The following KIF24 variants were observed in gnomAD, a reference collection of about 807,000 sequenced individuals.
The protein encoded by KIF24 is kinesin-like protein KIF24.
In KIF24, 81 loss-of-function variants were observed where a neutral mutation model predicts 118.9. The observed-to-expected ratio is 0.68, with a 90% CI of 0.57 to 0.82. The LOEUF (loss-of-function observed/expected upper bound fraction) is 0.82. Among genes scored for constraint, KIF24 ranks in the 40% least tolerant of loss-of-function variants. The pLI is 0.00. For missense variants in KIF24, 1,560 were observed against 1,661.6 expected, an observed-to-expected ratio of 0.94 and a Z score of 1.06; for synonymous variants, 599 against 610.0, an observed-to-expected ratio of 0.98 and a Z score of 0.27.
Position 34,257,751 on chromosome 9 carries a change from G to A in KIF24, c.1856C>T (p.Pro619Leu), listed in dbSNP as rs1834912728. 1.2e-6 allele frequency: 2 copies of A among 1,614,048 alleles called. No individual in the cohort carries two copies. Among genetic ancestry groups the A allele is most frequent in the African/African-American group, 1.3e-5 (1 of 75,070 alleles). ...HPLTSHPPNIPFTSAPKVSGK... is the reference protein window; with the variant it reads ...HPLTSHPPNILFTSAPKVSGK... The stretch of plus-strand genomic sequence containing the variant: ...AGAGACCTTAGGTGCAGAAGTAAAA[G>A]GAATGTTGGGTGGGTGGCTGGTCAG... Residue 619 changes from proline to leucine, a missense_variant, in exon 11 of 13, where the codon CCT becomes CTT. By Grantham distance (98) the Pro-to-Leu change is moderately conservative (BLOSUM62 -3). Coordinates refer to ENST00000402558, the MANE Select transcript of KIF24 (RefSeq NM_194313.4).
At chr9:34,301,980 T>C (rs560729838) in intron 3 of KIF24, among the ~76,000 whole-genome samples, 1 of 137,052 alleles carries the variant, frequency 7.3e-6, no homozygotes, top group East Asian at 2.0e-4. Context: ...ATTTTTTCTA[T>C]ATATGTATTT....
chr9:34,265,088 G>C (rs1835237137), intron 8 of KIF24, among the ~76,000 whole-genome samples: 1 of 152,188 alleles, frequency 6.6e-6, no homozygotes, highest in Non-Finnish European at 1.5e-5. Flanking sequence ...ACAAGGTTGA[G>C]AGTACAGGGA....
rs1214954469 is a variant in KIF24, at chr9:34,252,619, G to C, written c.*1761C>G. On this transcript the variant is annotated 3_prime_UTR_variant, in exon 13 of 13. Coordinates refer to ENST00000402558, the MANE Select transcript of KIF24 (RefSeq NM_194313.4). ...AGAGATTTCTTGCTTAGATTTGCTG[G>C]GGATAGAATAGGACCTAACCGTTTT... The C allele has an allele frequency of 6.6e-6, 1 of 152,432 alleles. No individual in the cohort carries two copies. Among genetic ancestry groups the C allele is most frequent in the African/African-American group, 2.4e-5 (1 of 41,420 alleles). The allele number at this position is 152,432 out of a possible 1,614,324, so 9.4% of individuals were successfully genotyped here. A position where few individuals can be genotyped will look rare whatever the true frequency, so the allele number is the denominator to read the frequency against.
At chr9:34,273,403 G>A (rs577159355) in intron 6 of KIF24, among the ~76,000 whole-genome samples, 21 of 124,982 alleles carry the variant, frequency 1.7e-4, no homozygotes, top group African/African-American at 6.2e-4. Context: ...AGTAGGAAAG[G>A]GGGGAGTCAG....
chr9:34,275,751 A>C (rs993522105), intron 6 of KIF24, among the ~76,000 whole-genome samples: 1 of 151,598 alleles, frequency 6.6e-6, no homozygotes, highest in African/African-American at 2.4e-5. Flanking sequence ...GAGGCAGGGG[A>C]ATAGCTTGAA....
At chr9:34,290,030 T>C (rs17350450) in intron 5 of KIF24, 144 bp downstream of exon 5, 96,550 of 538,028 alleles carry the variant, frequency 0.18, 10,015 homozygotes, top group South Asian at 0.24. Context: ...CTAGAAAATA[T>C]GTATCTGATG....
At chr9:34,320,581 C>T (rs1380064854) in intron 1 of KIF24, among the ~76,000 whole-genome samples, 1 of 139,494 alleles carries the variant, frequency 7.2e-6, no homozygotes, top group Non-Finnish European at 1.5e-5. Flanking sequence ...TCTCTTGAAC[C>T]CAGGAGGCGG....
rs147156580 is a variant in KIF24 at position 34,256,421 on chromosome 9, G to A, written c.3186C>T (p.Asn1062=). The change falls in exon 11 of 13, where the codon AAC becomes AAT. Residue 1062 remains asparagine, a synonymous_variant. Transcript: ENST00000402558. ...LTMSLLENPD[N]EGSPPSEQLV... is the part of the protein sequence containing the mutation. The stretch of plus-strand genomic sequence containing the variant: ...GCTGCTCCGAGGGAGGAGACCCTTC[G>A]TTGTCTGGGTTCTCCAGGAGGGACA... 2.6e-5 allele frequency: 42 copies of A among 1,613,926 alleles called. No homozygotes were observed. The highest frequency in any genetic ancestry group is 6.6e-5 in the South Asian group (6 of 91,082).
Position 34,310,878 on chromosome 9 carries a change from T to C in KIF24, c.469A>G (p.Thr157Ala), listed in dbSNP as rs759143602. 2 of 1,613,930 alleles carry C rather than the reference T, an allele frequency of 1.2e-6. No homozygotes were observed. The highest frequency in any genetic ancestry group is 1.7e-5 in the Admixed American group (1 of 60,026). Residue 157 changes from threonine to alanine, a missense_variant, in exon 2 of 13, where the codon ACA (threonine) becomes GCA (alanine). Physicochemically the swap from Thr to Ala is moderately conservative, Grantham distance 58. Around this residue, in one of 3 missense-constraint regions of KIF24, gnomAD observed 964 missense variants for 988.0 expected, o/e 0.98. Coordinates refer to ENST00000402558, the MANE Select transcript of KIF24 (RefSeq NM_194313.4). ...YHTKTGILNA[T>A]AGDSYVQTEI... ...GTTTGCACATAGGAATCACCAGCTG[T>C]GGCATTCAGAATTCCTGTTTTTGTA...
intron 1 of KIF24, among the ~76,000 whole-genome samples, chr9:34,315,197 T>C (rs1837293767): frequency 6.6e-6 from 1 of 152,122 alleles, no homozygotes; most frequent in African/African-American, 2.4e-5. Context: ...TGTGACTGTA[T>C]TATTTATTTT....
chr9:34,274,744 T>A (rs1422221387), intron 6 of KIF24, among the ~76,000 whole-genome samples: 4 of 11,490 alleles, frequency 3.5e-4, no homozygotes, highest in Non-Finnish European at 3.4e-4. Flanking sequence ...AAGAGTAAAG[T>A]GAAAGAACTT....
At chr9:34,279,389 G>T (rs1188049529) in intron 6 of KIF24, among the ~76,000 whole-genome samples, 1 of 152,184 alleles carries the variant, frequency 6.6e-6, no homozygotes, top group Non-Finnish European at 1.5e-5. Flanking sequence ...TCCTAGGAAT[G>T]AATACCTCTG....
chr9:34,262,062 T>C (rs1174753204), intron 9 of KIF24, among the ~76,000 whole-genome samples: 1 of 152,122 alleles, frequency 6.6e-6, no homozygotes, highest in Non-Finnish European at 1.5e-5. Flanking sequence ...GCCTCCCAAG[T>C]AGCTGGGACC....
At chr9:34,319,938 T>C (rs140186892) in intron 1 of KIF24, among the ~76,000 whole-genome samples, 1 of 152,314 alleles carries the variant, frequency 6.6e-6, no homozygotes, top group Admixed American at 6.5e-5. Flanking sequence ...AGATCAAGCC[T>C]GCCTCAATCA....
chr9:34,320,010 A>C (rs1274902483), intron 1 of KIF24, among the ~76,000 whole-genome samples: 1 of 152,156 alleles, frequency 6.6e-6, no homozygotes, highest in Non-Finnish European at 1.5e-5. Context: ...TAGGGGGGTC[A>C]GCCAGCCCTC....
At chr9:34,285,560 G>A (rs543347382) in intron 6 of KIF24, among the ~76,000 whole-genome samples, 51 of 152,012 alleles carry the variant, frequency 3.4e-4, no homozygotes, top group African/African-American at 1.2e-3. Context: ...GGATCATGAG[G>A]TCAGGAGATC....
rs183671763 is a variant in KIF24 at position 34,266,128 on chromosome 9, A to C, written c.1444-2956T>G. ...AGCTGGTCTCAAACTCCTGGGCTCGAGTGATCTGTCCACCTTAACCTCCCA... is the reference window on the plus strand; with the variant it reads ...AGCTGGTCTCAAACTCCTGGGCTCGCGTGATCTGTCCACCTTAACCTCCCA... On this transcript the variant is annotated intron_variant, in intron 8 of 12. Transcript: ENST00000402558. Among the ~76,000 whole-genome samples, 38 of 152,288 alleles carry C rather than the reference A, an allele frequency of 2.5e-4. No individual in the cohort carries two copies. In the South Asian group the frequency reaches 2.7e-3, roughly 11 times the overall value.
chr9:34,257,617 C>G lies in KIF24; in HGVS notation c.1990G>C (p.Glu664Gln). 1 of 1,614,094 alleles carries G rather than the reference C, an allele frequency of 6.2e-7. No individual in the cohort carries two copies. The highest frequency in any genetic ancestry group is 8.5e-7 in the Non-Finnish European group (1 of 1,179,908). The change falls in exon 11 of 13, where the codon GAG becomes CAG. Residue 664 changes from glutamate (E) to glutamine (Q), a missense_variant. Glu to Gln is a conservative substitution (Grantham distance 29). Coordinates refer to ENST00000402558, the MANE Select transcript of KIF24 (RefSeq NM_194313.4). ...SGHVAKKKPE[E>Q]SAPLCSEKNR... ...TTCTCAGAGCACAATGGTGCTGACT[C>G]TTCTGGCTTTTTTTTGGCCACATGT... is the stretch of plus-strand genomic sequence containing the variant.
rs946438610 is a variant in KIF24 at position 34,318,252 on chromosome 9, G to A, written c.-25-6881C>T. Reference sequence around the variant, plus strand: ...TAACCCTCAGCTATAAGTTGTAAAAGTTACATAGAAATAGGCTATAGAAGA... The same window carrying A: ...TAACCCTCAGCTATAAGTTGTAAAAATTACATAGAAATAGGCTATAGAAGA... On this transcript the variant is annotated intron_variant, in intron 1 of 12. Coordinates refer to ENST00000402558, the MANE Select transcript of KIF24 (RefSeq NM_194313.4). This position sits in a 1 kb window ranked among gnomAD's most constrained non-coding sequence, Gnocchi z 4.9. 1.3e-5 allele frequency among the ~76,000 whole-genome samples: 2 copies of A among 152,166 alleles called. No homozygotes were observed. Among genetic ancestry groups the A allele is most frequent in the African/African-American group, 4.8e-5 (2 of 41,426 alleles).
Sources: gnomAD v4.1 joint callset for allele counts (sites outside exome capture counted in the v4.1 genomes callset) on GRCh38, gnomAD v4.1.1 for gene constraint, gnomAD v4.1.1 regional missense constraint, Gnocchi (gnomAD v3.1) non-coding constraint, MANE v1.5 for transcripts, NCBI Gene and HGNC (gene_info 2026-07-23, HGNC 2026-07-21) for gene names.